Variants in BRINP3 observed in about 807,000 individuals in gnomAD.
The protein encoded by BRINP3 is BMP/retinoic acid-inducible neural-specific protein 3.
Under a neutral mutation model 71.0 loss-of-function variants are expected in BRINP3, and 19 were observed. That is an observed-to-expected ratio of 0.27 (90% CI 0.19 to 0.39). The LOEUF is 0.39. BRINP3 is among the 10% of genes least tolerant of loss of function. The pLI, the probability that BRINP3 is intolerant of heterozygous loss-of-function variation, is 1.00. For missense variants in BRINP3, 959 were observed against 940.8 expected, an observed-to-expected ratio of 1.02 and a Z score of -0.25; for synonymous variants, 380 against 337.7, an observed-to-expected ratio of 1.13 and a Z score of -1.37.
chr1:190,301,208 T>TATATACACAC (rs1664693504), intron 2 of BRINP3, among the ~76,000 whole-genome samples: 1 of 35,038 alleles, frequency 2.9e-5, no homozygotes, highest in Admixed American at 4.1e-4. Flanking sequence ...CACATACATA[T>TATATACACAC]ATATATATAT....
intron 2 of BRINP3, among the ~76,000 whole-genome samples, chr1:190,346,743 C>T (rs1449832542): frequency 6.6e-6 from 1 of 152,124 alleles, no homozygotes; most frequent in Non-Finnish European, 1.5e-5. Context: ...TCCTCCCTAA[C>T]AGCGATCTCT....
intron 2 of BRINP3, among the ~76,000 whole-genome samples, chr1:190,445,393 TA>T (rs979165588): frequency 1.4e-4 from 22 of 152,134 alleles, no homozygotes; most frequent in Admixed American, 6.5e-4. Context: ...TAAACTCGAT[TA>T]AAAAATATTG....
chr1:190,160,084 C>T (rs1241450373), intron 7 of BRINP3, among the ~76,000 whole-genome samples: 1 of 151,956 alleles, frequency 6.6e-6, no homozygotes, highest in Non-Finnish European at 1.5e-5. Context: ...CTTTTTATTA[C>T]ACTTACTTGT....
At chr1:190,224,578 T>A (rs1645116583) in intron 6 of BRINP3, among the ~76,000 whole-genome samples, 1 of 151,856 alleles carries the variant, frequency 6.6e-6, no homozygotes, top group Non-Finnish European at 1.5e-5. Context: ...TGGGCAAAGA[T>A]TTTTTTGTTT....
At chr1:190,264,270 C>A (rs1661456415) in intron 4 of BRINP3, among the ~76,000 whole-genome samples, 1 of 152,004 alleles carries the variant, frequency 6.6e-6, no homozygotes, top group South Asian at 2.1e-4. Context: ...ATAAAGTCAA[C>A]CTTAGTGTAT....
intron 4 of BRINP3, 146 bp from the exon 5 acceptor site, chr1:190,234,623 C>T (rs987917462): frequency 2.0e-6 from 1 of 494,178 alleles, no homozygotes; most frequent in African/African-American, 1.9e-5. Context: ...AGCAATACAC[C>T]CACCTAAACA....
At chr1:190,179,763 C>T (rs1463478112) in intron 6 of BRINP3, among the ~76,000 whole-genome samples, 2 of 152,224 alleles carry the variant, frequency 1.3e-5, no homozygotes, top group South Asian at 2.1e-4. Flanking sequence ...CTACTATCAG[C>T]TTGTGATCTG....
chr1:190,400,093 G>A, intron 2 of BRINP3, among the ~76,000 whole-genome samples: 1 of 152,022 alleles, frequency 6.6e-6, no homozygotes, highest in Non-Finnish European at 1.5e-5. Context: ...ACAACTAAAT[G>A]AAGATATCTC....
chr1:190,141,390 G>T (rs992283032), intron 7 of BRINP3, among the ~76,000 whole-genome samples: 1 of 151,896 alleles, frequency 6.6e-6, no homozygotes, highest in African/African-American at 2.4e-5. Flanking sequence ...TGATTGAGAT[G>T]TTTGTTTGTC....
At chr1:190,454,359 G>C (rs1026226346) in intron 2 of BRINP3, among the ~76,000 whole-genome samples, 1 of 152,056 alleles carries the variant, frequency 6.6e-6, no homozygotes, top group African/African-American at 2.4e-5. Context: ...TTAAAATTTT[G>C]GCTATTTAAA....
At chr1:190,214,566 TGGCCA>T (rs1398022336) in intron 6 of BRINP3, among the ~76,000 whole-genome samples, 3 of 152,050 alleles carry the variant, frequency 2.0e-5, no homozygotes, top group Non-Finnish European at 4.4e-5. Flanking sequence ...TTGTTTGTTT[TGGCCA>T]ATGGAATCCT....
chr1:190,127,975 G>T (rs1302970571), intron 7 of BRINP3, among the ~76,000 whole-genome samples: 3 of 151,742 alleles, frequency 2.0e-5, no homozygotes, highest in African/African-American at 7.2e-5. Flanking sequence ...GTGATTCATT[G>T]AGTCAAATTT....
At position 190,328,740 on chromosome 1, in the gene BRINP3, C is replaced by T. The variant is rs1471198621; in HGVS notation, c.237-46990G>A. 2.1e-5 allele frequency among the ~76,000 whole-genome samples: 3 copies of T among 143,526 alleles called. No homozygotes were observed. In the Admixed American group the frequency reaches 2.1e-4, roughly 10 times the overall value. The allele number at this position is 143,526 out of a possible 152,430, so 94.2% of individuals were successfully genotyped here. On this transcript the variant is annotated intron_variant, in intron 2 of 7. Coordinates refer to ENST00000367462, the MANE Select transcript of BRINP3 (RefSeq NM_199051.3). ...AATGAAGAAAAAAAAAAAAAAAATACAGGCCAATATTCCTGATGAACATAG... is the reference window on the plus strand; with the variant it reads ...AATGAAGAAAAAAAAAAAAAAAATATAGGCCAATATTCCTGATGAACATAG...
intron 1 of BRINP3, among the ~76,000 whole-genome samples, chr1:190,473,646 T>C (rs1459339950): frequency 6.6e-6 from 1 of 151,500 alleles, no homozygotes; most frequent in East Asian, 1.9e-4. Context: ...CTTATTTGAG[T>C]ATTCAGAATG....
intron 4 of BRINP3, among the ~76,000 whole-genome samples, chr1:190,245,846 T>A (rs1571490601): frequency 6.8e-6 from 1 of 147,380 alleles, no homozygotes; most frequent in Admixed American, 7.0e-5. Flanking sequence ...AGTGAGAACA[T>A]GCGGTGTTTG....
At chr1:190,203,833 C>T (rs1169107481) in intron 6 of BRINP3, among the ~76,000 whole-genome samples, 3 of 110,300 alleles carry the variant, frequency 2.7e-5, no homozygotes, top group Middle Eastern at 6.3e-3. Context: ...ACAAAGGGCA[C>T]GTTGGCATTT....
chr1:190,404,792 T>A (rs1396964492), intron 2 of BRINP3, among the ~76,000 whole-genome samples: 1 of 152,190 alleles, frequency 6.6e-6, no homozygotes, highest in East Asian at 1.9e-4. Flanking sequence ...TTATGTATTA[T>A]TAAAGTCAAC....
intron 7 of BRINP3, among the ~76,000 whole-genome samples, chr1:190,110,161 G>A (rs974414899): frequency 2.6e-5 from 4 of 152,076 alleles, no homozygotes; most frequent in Non-Finnish European, 4.4e-5. Flanking sequence ...CAACCAATAC[G>A]TGTGGTGAAT....
chr1:190,454,626 T>G (rs1425381104), intron 2 of BRINP3, 29 bp downstream of exon 2: 1 of 1,576,220 alleles, frequency 6.3e-7, no homozygotes, highest in Admixed American at 1.7e-5. Context: ...GGATGATATT[T>G]CTGTAATTGC....
Sources: allele counts gnomAD v4.1 joint callset (sites outside exome capture counted in the v4.1 genomes callset), GRCh38; gene constraint gnomAD v4.1.1; transcripts MANE v1.5; gene names NCBI Gene and HGNC (gene_info 2026-07-23, HGNC 2026-07-21).